GLIS3: variants seen among roughly 807,000 people sequenced by gnomAD.
The protein encoded by GLIS3 is GLIS family zinc finger 3.
A neutral mutation model predicts 78.6 loss-of-function variants in GLIS3; 53 were observed. The observed-to-expected ratio is 0.67, with a 90% CI of 0.54 to 0.85. The LOEUF (loss-of-function observed/expected upper bound fraction) is 0.85, where lower values mean the gene tolerates loss of function less well. Ranked by LOEUF, GLIS3 falls within the 40% of genes least tolerant of loss-of-function variation. The pLI is 0.00. For missense variants in GLIS3, 1,703 were observed against 1,231.1 expected (o/e 1.38, Z -5.74); for synonymous variants, 684 against 509.9 (o/e 1.34, Z -4.60).
rs893053897 is a variant in GLIS3 at position 4,184,664 on chromosome 9, G to A, written c.389-58723C>T. On this transcript the variant is annotated intron_variant, in intron 2 of 10. Coordinates refer to ENST00000381971, the MANE Select transcript of GLIS3 (RefSeq NM_001042413.2). ...TGTAGGTGAAGAGTTCCTACTGGGG[G>A]AACCCCTGGTTGGAGGGGAGATTTA... Among the ~76,000 whole-genome samples, 3 of 152,226 alleles carry A rather than the reference G, an allele frequency of 2.0e-5. No individual in the cohort carries two copies. In the South Asian group the frequency reaches 6.2e-4, roughly 31 times the overall value.
intron 2 of GLIS3, among the ~76,000 whole-genome samples, chr9:4,241,653 C>T (rs1823323676): frequency 6.6e-6 from 1 of 152,006 alleles, no homozygotes; most frequent in South Asian, 2.1e-4. Context: ...ATTATACTCA[C>T]AGCACACTTG....
At chr9:4,453,357 A>AAAAG in the GLIS3 span, among the ~76,000 whole-genome samples, 12 of 146,708 alleles carry the variant, frequency 8.2e-5, 1 homozygote, top group Admixed American at 6.7e-5. Context: ...AAAAAAAAAA[A>AAAAG]AAAAAAAGAA....
At chr9:3,927,319 T>C (rs405328) in intron 6 of GLIS3, among the ~76,000 whole-genome samples, 27,278 of 152,170 alleles carry the variant, frequency 0.18, 3,153 homozygotes, top group African/African-American at 0.33. Flanking sequence ...AAAACAAAGA[T>C]GGTTTAGTTG....
chr9:3,854,424 T>C (rs538780400), intron 9 of GLIS3, among the ~76,000 whole-genome samples: 53 of 152,260 alleles, frequency 3.5e-4, no homozygotes, highest in African/African-American at 1.3e-3. Flanking sequence ...GGAGATGAGA[T>C]GGACGGAACT....
At chr9:3,868,873 C>A (rs1369409431) in intron 8 of GLIS3, among the ~76,000 whole-genome samples, 1 of 149,662 alleles carries the variant, frequency 6.7e-6, no homozygotes, top group African/African-American at 2.5e-5. Flanking sequence ...ACATAGTCTT[C>A]TTGCCTGTAG....
intron 9 of GLIS3, among the ~76,000 whole-genome samples, chr9:3,833,658 G>A (rs1205572349): frequency 6.6e-6 from 1 of 152,222 alleles, no homozygotes; most frequent in Non-Finnish European, 1.5e-5. Context: ...TTTGAGGATT[G>A]ATAACACAGC....
chr9:4,339,014 C>T lies in GLIS3; in HGVS notation n.264+8067G>A, dbSNP rs115052317. 6.3e-3 allele frequency among the ~76,000 whole-genome samples: 966 copies of T among 152,268 alleles called. 11 individuals carry two copies. The highest frequency in any genetic ancestry group is 0.021 in the African/African-American group (883 of 41,548). On this transcript the variant is annotated intron_variant and non_coding_transcript_variant, in intron 2 of 4. Transcript: ENST00000471664. Reference sequence around the variant, plus strand: ...TTACCCTTAAAACTATGTTGAAAAGCGGCATTTCAAGGACCCTCCTGGTGA... The same window carrying T: ...TTACCCTTAAAACTATGTTGAAAAGTGGCATTTCAAGGACCCTCCTGGTGA...
chr9:4,101,988 A>C (rs1830404331), intron 4 of GLIS3, among the ~76,000 whole-genome samples: 1 of 152,208 alleles, frequency 6.6e-6, no homozygotes, highest in Non-Finnish European at 1.5e-5. Context: ...TCCATATATT[A>C]TGGTTTTAAT....
At chr9:3,844,565 A>G (rs12685627) in intron 9 of GLIS3, among the ~76,000 whole-genome samples, 48,582 of 152,094 alleles carry the variant, frequency 0.32, 8,525 homozygotes, top group East Asian at 0.59. Context: ...AACACTTTCT[A>G]TAGGCATTTT....
At chr9:3,876,762 TG>T (rs1821347657) in intron 8 of GLIS3, among the ~76,000 whole-genome samples, 1 of 145,678 alleles carries the variant, frequency 6.9e-6, no homozygotes, top group Non-Finnish European at 1.5e-5. Context: ...GGTACATGCA[TG>T]GGTATTCATT....
intron 4 of GLIS3, among the ~76,000 whole-genome samples, chr9:4,014,199 C>T (rs1822260016): frequency 6.6e-6 from 1 of 152,110 alleles, no homozygotes; most frequent in South Asian, 2.1e-4. Context: ...GTTTCTAAAA[C>T]CAGTGTGGAG....
At chr9:3,881,741 G>C (rs980375575) in intron 7 of GLIS3, among the ~76,000 whole-genome samples, 1 of 152,086 alleles carries the variant, frequency 6.6e-6, no homozygotes, top group East Asian at 1.9e-4. Context: ...TGTCTATTAC[G>C]TACTTGATAC....
intron 4 of GLIS3, among the ~76,000 whole-genome samples, chr9:4,025,933 G>C (rs1383286657): frequency 1.3e-5 from 2 of 152,134 alleles, no homozygotes; most frequent in Non-Finnish European, 2.9e-5. Context: ...AATAGAGAAA[G>C]AGACCTGGGT....
At chr9:4,311,328 G>C (rs914077081) in intron 2 of GLIS3, among the ~76,000 whole-genome samples, 1 of 152,320 alleles carries the variant, frequency 6.6e-6, no homozygotes, top group East Asian at 1.9e-4. Flanking sequence ...AGAATCACTT[G>C]AGCTGGAGAG....
At chr9:4,393,187 T>C in the GLIS3 span, among the ~76,000 whole-genome samples, 2 of 152,176 alleles carry the variant, frequency 1.3e-5, no homozygotes, top group East Asian at 3.8e-4. Flanking sequence ...ACATTTTCTG[T>C]TTTCTCCATT....
At chr9:4,077,437 G>T (rs10974319) in intron 4 of GLIS3, among the ~76,000 whole-genome samples, 30,428 of 152,014 alleles carry the variant, frequency 0.2, 6,528 homozygotes, top group African/African-American at 0.52. Context: ...GGCATAGTTG[G>T]CCTGGAGAAA....
At chr9:3,862,475 C>G (rs144225919) in intron 8 of GLIS3, among the ~76,000 whole-genome samples, 61 of 152,274 alleles carry the variant, frequency 4.0e-4, no homozygotes, top group Non-Finnish European at 6.8e-4. Flanking sequence ...GGGTAGGGCT[C>G]TTTCCCGTGT....
chr9:4,108,932 C>T (rs887407508), intron 4 of GLIS3, among the ~76,000 whole-genome samples: 3 of 152,074 alleles, frequency 2.0e-5, no homozygotes, highest in African/African-American at 7.2e-5. Context: ...GGGGAGGGCT[C>T]GTGCTGCCAG....
intron 4 of GLIS3, among the ~76,000 whole-genome samples, chr9:4,112,011 T>G (rs534667875): frequency 5.9e-5 from 9 of 152,238 alleles, no homozygotes; most frequent in African/African-American, 2.2e-4. Context: ...AAGATCATTT[T>G]CTATTAAAAG....
Sources: gnomAD v4.1 joint callset for allele counts (sites outside exome capture counted in the v4.1 genomes callset) on GRCh38, gnomAD v4.1.1 for gene constraint, MANE v1.5 for transcripts, NCBI Gene and HGNC (gene_info 2026-07-23, HGNC 2026-07-21) for gene names.